The following EPHA4 variants were observed in gnomAD, a reference collection of about 807,000 sequenced individuals.
EPHA4 encodes the protein EPH receptor A4.
A neutral mutation model predicts 108.3 loss-of-function variants in EPHA4; 19 were observed. The observed-to-expected ratio is 0.18, with a 90% CI of 0.12 to 0.26. EPHA4 has a LOEUF of 0.26. EPHA4 is among the 10% of genes least tolerant of loss of function. The probability of loss-of-function intolerance (pLI) is 1.00; values close to 1 mark genes in which losing one functional copy is unlikely to be tolerated. For missense variants in EPHA4, 917 were observed against 1,254.0 expected (o/e 0.73, Z 4.06); for synonymous variants, 449 against 455.5 (o/e 0.99, Z 0.18).
intron 3 of EPHA4, among the ~76,000 whole-genome samples, chr2:221,529,341 C>T (rs1007539206): frequency 5.6e-4 from 86 of 152,244 alleles, no homozygotes; most frequent in African/African-American, 1.9e-3. Flanking sequence ...TCACCATTCA[C>T]AAAGCACAGG....
chr2:221,482,308 CT>C (rs764018430), intron 5 of EPHA4, 43 bp downstream of exon 5: 22 of 1,457,648 alleles, frequency 1.5e-5, no homozygotes, highest in Non-Finnish European at 2.0e-5. Context: ...AGCCTTTTCT[CT>C]GTATACATTC....
intron 3 of EPHA4, among the ~76,000 whole-genome samples, chr2:221,534,157 A>G (rs1387014944): frequency 6.6e-6 from 1 of 152,202 alleles, no homozygotes; most frequent in Non-Finnish European, 1.5e-5. Flanking sequence ...TGATGTCTTT[A>G]TAAGGATTCC....
chr2:221,482,800 G>A, intron 4 of EPHA4, 110 bp from the exon 5 acceptor site: 1 of 937,002 alleles, frequency 1.1e-6, no homozygotes, highest in Non-Finnish European at 1.6e-6. Flanking sequence ...AACCCACTTG[G>A]CAAAGAAAGC....
rs757835718 is a variant in EPHA4, at chr2:221,443,544, C to T, written c.1837G>A (p.Ala613Thr). Residue 613 changes from alanine to threonine, a missense_variant, in exon 10 of 18, where the codon GCC becomes ACC. By Grantham distance (58) the Ala-to-Thr change is moderately conservative. Coordinates refer to ENST00000281821, the MANE Select transcript of EPHA4 (RefSeq NM_004438.5). ...ATGCAGGATGCGTCAATTTCTTTGG[C>T]AAACTCTCGCACTGCTTGGTTGGGA... is the stretch of plus-strand genomic sequence containing the variant. ...EDPNQAVREF[A>T]KEIDASCIKI... 3.1e-6 allele frequency: 5 copies of T among 1,613,922 alleles called. No homozygotes were observed. Among genetic ancestry groups the T allele is most frequent in the Non-Finnish European group, 4.2e-6 (5 of 1,179,948 alleles).
chr2:221,557,305 T>C (rs1694333917), intron 3 of EPHA4, among the ~76,000 whole-genome samples: 2 of 152,066 alleles, frequency 1.3e-5, no homozygotes, highest in Non-Finnish European at 2.9e-5. Flanking sequence ...AACAAAAAAC[T>C]CTCTACTCTG....
chr2:221,434,399 A>T lies in EPHA4; in HGVS notation c.2347-108T>A, dbSNP rs527905370. 305 of 1,148,740 alleles carry T rather than the reference A, an allele frequency of 2.7e-4. 4 individuals carry two copies. In the South Asian group the frequency reaches 4.1e-3, roughly 15 times the overall value. 71.2% of individuals were successfully genotyped at this position (1,148,740 alleles called of 1,614,324 possible). A position where few individuals can be genotyped will look rare whatever the true frequency, so the allele number is the denominator to read the frequency against. ...CAAGCAGGACAACAGCATTCTTGAG[A>T]TAGCTCTCAAAACAATAAGACACTT... On this transcript the variant is annotated intron_variant, in intron 13 of 17. Coordinates refer to ENST00000281821, the MANE Select transcript of EPHA4 (RefSeq NM_004438.5).
intron 5 of EPHA4, among the ~76,000 whole-genome samples, chr2:221,479,485 T>C (rs1691755783): frequency 6.6e-6 from 1 of 152,230 alleles, no homozygotes; most frequent in African/African-American, 2.4e-5. Context: ...CGTTCATTAA[T>C]TCTATGTATT....
chr2:221,558,141 A>G (rs1274052114), intron 3 of EPHA4, among the ~76,000 whole-genome samples: 1 of 152,272 alleles, frequency 6.6e-6, no homozygotes, highest in Non-Finnish European at 1.5e-5. Context: ...ACAGTCAAGC[A>G]TCATAAAAAC....
chr2:221,555,326 A>T (rs1469827784), intron 3 of EPHA4, among the ~76,000 whole-genome samples: 8 of 152,340 alleles, frequency 5.3e-5, no homozygotes, highest in African/African-American at 1.7e-4. Flanking sequence ...TGGGGTTTCC[A>T]AAGGAAGCCC....
intron 3 of EPHA4, among the ~76,000 whole-genome samples, chr2:221,521,099 CT>C (rs1353268545): frequency 6.6e-6 from 1 of 152,198 alleles, no homozygotes; most frequent in Non-Finnish European, 1.5e-5. Context: ...CACAACAAGG[CT>C]TGGACCATAT....
At chr2:221,529,126 A>G (rs1693424010) in intron 3 of EPHA4, among the ~76,000 whole-genome samples, 1 of 152,184 alleles carries the variant, frequency 6.6e-6, no homozygotes, top group Non-Finnish European at 1.5e-5. Context: ...CTTTACTGCA[A>G]TAGTCTATTC....
intron 3 of EPHA4, among the ~76,000 whole-genome samples, chr2:221,546,295 C>T (rs1221589686): frequency 2.0e-5 from 3 of 152,152 alleles, no homozygotes; most frequent in African/African-American, 7.2e-5. Context: ...CTCCTCAAGG[C>T]CTCCTTCAAA....
At position 221,468,835 on chromosome 2, in the gene EPHA4, G is replaced by A. The variant is rs558483253; in HGVS notation, c.1319-10845C>T. Among the ~76,000 whole-genome samples the A allele has an allele frequency of 1.6e-4, 24 of 152,278 alleles. No homozygotes were observed. In the South Asian group the frequency reaches 4.1e-3, roughly 26 times the overall value. Reference sequence around the variant, plus strand: ...AAAGAGGTAAGACATTGATCATTCCGCTAAAAGAGCCTGTCTGCTTCAATA... The same window carrying A: ...AAAGAGGTAAGACATTGATCATTCCACTAAAAGAGCCTGTCTGCTTCAATA... On this transcript the variant is annotated intron_variant, in intron 5 of 17. Coordinates refer to ENST00000281821, the MANE Select transcript of EPHA4 (RefSeq NM_004438.5).
intron 5 of EPHA4, among the ~76,000 whole-genome samples, chr2:221,471,650 C>A (rs556250243): frequency 1.3e-5 from 2 of 152,256 alleles, no homozygotes; most frequent in East Asian, 3.9e-4. Context: ...ATTGATATTT[C>A]TCCCCAAACA....
intron 3 of EPHA4, among the ~76,000 whole-genome samples, chr2:221,528,017 A>AC (rs1377767994): frequency 8.8e-6 from 1 of 114,214 alleles, no homozygotes; most frequent in Non-Finnish European, 1.9e-5. Flanking sequence ...CTACCTAACC[A>AC]CCCCCAACCC....
intron 3 of EPHA4, among the ~76,000 whole-genome samples, chr2:221,557,183 C>A (rs1694331363): frequency 6.6e-6 from 1 of 152,200 alleles, no homozygotes; most frequent in African/African-American, 2.4e-5. Context: ...ACCACAGTGA[C>A]TTGGGGCACA....
chr2:221,523,594 T>C (rs1016776310), intron 3 of EPHA4, among the ~76,000 whole-genome samples: 2 of 134,614 alleles, frequency 1.5e-5, no homozygotes, highest in African/African-American at 5.7e-5. Flanking sequence ...GCCAGAATAT[T>C]TTTTAGTAAC....
chr2:221,435,135 A>G (rs1690190688), intron 13 of EPHA4, among the ~76,000 whole-genome samples: 1 of 152,162 alleles, frequency 6.6e-6, no homozygotes, highest in Non-Finnish European at 1.5e-5. Context: ...TTTCTTAGGT[A>G]GGGCTACGAA....
rs555544660 is a variant in EPHA4 at position 221,521,973 on chromosome 2, T to C, written c.824-20801A>G. Among the ~76,000 whole-genome samples, 68 of 152,130 alleles carry C rather than the reference T, an allele frequency of 4.5e-4. No homozygotes were observed. The South Asian group carries it at 5.0e-3, about 11-fold the overall frequency. ...GCCTGGGTGACAGAGCAAGACTCCA[T>C]CTCAATAAATTAAAAACAAACAAAC... On this transcript the variant is annotated intron_variant, in intron 3 of 17. Transcript: ENST00000281821.
Sources: allele counts gnomAD v4.1 joint callset (sites outside exome capture counted in the v4.1 genomes callset), GRCh38; gene constraint gnomAD v4.1.1; transcripts MANE v1.5; gene names NCBI Gene and HGNC (gene_info 2026-07-23, HGNC 2026-07-21).